The following HS6ST3 variants were observed in gnomAD, a reference collection of about 807,000 sequenced individuals.
HS6ST3 encodes the protein heparan sulfate 6-O-sulfotransferase 3.
Under a neutral mutation model 36.7 loss-of-function variants are expected in HS6ST3, and 12 were observed. That is an observed-to-expected ratio of 0.33 (90% confidence interval 0.21 to 0.53). The LOEUF is 0.53. Among genes scored for constraint, HS6ST3 ranks in the 20% least tolerant of loss-of-function variants. The pLI is 0.95. For missense variants in HS6ST3, 584 were observed against 640.9 expected (o/e 0.91, Z 0.96); for synonymous variants, 240 against 257.5 (o/e 0.93, Z 0.65).
intron 1 of HS6ST3, among the ~76,000 whole-genome samples, chr13:96,400,248 TAC>T (rs1159403045): frequency 7.1e-6 from 1 of 141,790 alleles, no homozygotes; most frequent in Admixed American, 7.1e-5. Context: ...CACACACAGA[TAC>T]ACACACATAC....
At chr13:96,799,718 A>G (rs1449480234) in intron 1 of HS6ST3, among the ~76,000 whole-genome samples, 1 of 151,264 alleles carries the variant, frequency 6.6e-6, no homozygotes, top group Non-Finnish European at 1.5e-5. Flanking sequence ...CCAGCATGGC[A>G]CATGTATACA....
At position 96,607,306 on chromosome 13, in the gene HS6ST3, G is replaced by A. The variant is rs544523844; in HGVS notation, c.708-225184G>A. 2.0e-5 allele frequency among the ~76,000 whole-genome samples: 3 copies of A among 152,296 alleles called. No homozygotes were observed. The East Asian group carries it at 5.8e-4, about 29-fold the overall frequency. ...AAATAAAATGAAGAAACATATGTAA[G>A]ATACTCAAGGGAAAAACACACGAGA... On this transcript the variant is annotated intron_variant, in intron 1 of 1. Coordinates refer to ENST00000376705, the MANE Select transcript of HS6ST3 (RefSeq NM_153456.4).
intron 1 of HS6ST3, among the ~76,000 whole-genome samples, chr13:96,125,910 C>T (rs181508352): frequency 7.2e-5 from 11 of 152,024 alleles, no homozygotes; most frequent in Admixed American, 5.9e-4. Flanking sequence ...AGGTATATCT[C>T]CTAAAGCTAT....
At chr13:96,161,680 CAA>C (rs1336442879) in intron 1 of HS6ST3, among the ~76,000 whole-genome samples, 1 of 152,120 alleles carries the variant, frequency 6.6e-6, no homozygotes, top group East Asian at 1.9e-4. Flanking sequence ...CCTTCCCACA[CAA>C]AACTCAGAGA....
At chr13:96,741,538 T>C (rs1396954922) in intron 1 of HS6ST3, among the ~76,000 whole-genome samples, 1 of 152,146 alleles carries the variant, frequency 6.6e-6, no homozygotes, top group East Asian at 1.9e-4. Flanking sequence ...CAAACATTTA[T>C]AAAGCACCAC....
chr13:96,684,617 A>G (rs1277746919), intron 1 of HS6ST3, among the ~76,000 whole-genome samples: 1 of 152,070 alleles, frequency 6.6e-6, no homozygotes, highest in South Asian at 2.1e-4. Context: ...TGCTTGACAG[A>G]GGGCCAAACT....
intron 1 of HS6ST3, among the ~76,000 whole-genome samples, chr13:96,208,149 G>A (rs1419297467): frequency 6.6e-6 from 1 of 151,780 alleles, no homozygotes; most frequent in Non-Finnish European, 1.5e-5. Context: ...AAATATTAAA[G>A]CACCTCCCAC....
chr13:96,128,143 A>T (rs1214377622), intron 1 of HS6ST3, among the ~76,000 whole-genome samples: 1 of 152,178 alleles, frequency 6.6e-6, no homozygotes, highest in African/African-American at 2.4e-5. Context: ...TTTGTTATGG[A>T]AATTTAAAAC....
chr13:96,410,625 C>T (rs1257969316), intron 1 of HS6ST3, among the ~76,000 whole-genome samples: 2 of 151,822 alleles, frequency 1.3e-5, no homozygotes, highest in Non-Finnish European at 2.9e-5. Flanking sequence ...GGTTTGTTAA[C>T]CATAATTATT....
chr13:96,309,499 AC>A (rs1307042154), intron 1 of HS6ST3, among the ~76,000 whole-genome samples: 3 of 152,194 alleles, frequency 2.0e-5, no homozygotes, highest in Non-Finnish European at 4.4e-5. Context: ...TAACAAGGCT[AC>A]TTAAATCAAG....
At chr13:96,353,553 C>G (rs2055195145) in intron 1 of HS6ST3, among the ~76,000 whole-genome samples, 1 of 151,272 alleles carries the variant, frequency 6.6e-6, no homozygotes. Flanking sequence ...GAAAATGTTA[C>G]CAAACTTTTT....
At chr13:96,153,634 C>T (rs544636912) in intron 1 of HS6ST3, among the ~76,000 whole-genome samples, 1 of 152,178 alleles carries the variant, frequency 6.6e-6, no homozygotes. Context: ...CAAAAGTGAG[C>T]AAAGTATTTA....
chr13:96,286,014 CTCTT>C (rs1238190814), intron 1 of HS6ST3, among the ~76,000 whole-genome samples: 2 of 141,210 alleles, frequency 1.4e-5, no homozygotes, highest in African/African-American at 5.1e-5. Flanking sequence ...CTCCCTTTCT[CTCTT>C]TCTTCTTCCT....
At chr13:96,567,407 A>T (rs1446952037) in intron 1 of HS6ST3, among the ~76,000 whole-genome samples, 3 of 152,232 alleles carry the variant, frequency 2.0e-5, no homozygotes, top group Admixed American at 6.5e-5. Context: ...CTTGATTGGC[A>T]TCAGACTTCC....
intron 1 of HS6ST3, among the ~76,000 whole-genome samples, chr13:96,168,184 CA>C (rs1315415164): frequency 6.6e-6 from 1 of 151,988 alleles, no homozygotes; most frequent in Non-Finnish European, 1.5e-5. Flanking sequence ...CTCTCTAGGG[CA>C]TGTATGGAGG....
intron 1 of HS6ST3, among the ~76,000 whole-genome samples, chr13:96,819,063 C>T (rs949972344): frequency 6.6e-6 from 1 of 152,132 alleles, no homozygotes; most frequent in East Asian, 1.9e-4. Flanking sequence ...AGAAAGCAAC[C>T]CACTATTTTG....
At chr13:96,264,686 G>C (rs1280254219) in intron 1 of HS6ST3, among the ~76,000 whole-genome samples, 1 of 152,260 alleles carries the variant, frequency 6.6e-6, no homozygotes, top group African/African-American at 2.4e-5. Context: ...ATTTTACAGT[G>C]CAGGGAAGTG....
At chr13:96,627,388 C>T (rs2056516689) in intron 1 of HS6ST3, among the ~76,000 whole-genome samples, 2 of 151,856 alleles carry the variant, frequency 1.3e-5, no homozygotes, top group South Asian at 4.1e-4. Context: ...CTATGTTGAG[C>T]GTCTTTTTAA....
intron 1 of HS6ST3, among the ~76,000 whole-genome samples, chr13:96,633,300 G>A (rs2056538239): frequency 6.6e-6 from 1 of 152,114 alleles, no homozygotes; most frequent in Non-Finnish European, 1.5e-5. Flanking sequence ...AGCTTGTTTC[G>A]GGAACACACA....
Sources: gnomAD v4.1 joint callset for allele counts (sites outside exome capture counted in the v4.1 genomes callset) on GRCh38, gnomAD v4.1.1 for gene constraint, MANE v1.5 for transcripts, NCBI Gene and HGNC (gene_info 2026-07-23, HGNC 2026-07-21) for gene names.